The following CKM variants were observed in gnomAD, a reference collection of about 807,000 sequenced individuals.
CKM encodes the protein creatine kinase M-type.
In CKM, 28 loss-of-function variants were observed where a neutral mutation model predicts 35.4. That is an observed-to-expected ratio of 0.79 (90% CI 0.59 to 1.08). The LOEUF is 1.08. CKM is among the 50% of genes least tolerant of loss of function. The pLI, the probability that CKM is intolerant of heterozygous loss-of-function variation, is 0.00. For synonymous variants in CKM, 215 were observed against 204.4 expected, an observed-to-expected ratio of 1.05 and a Z score of -0.44; for missense variants, 484 against 509.8, an observed-to-expected ratio of 0.95 and a Z score of 0.49.
chr19:45,312,620 C>T (rs190317293), intron 4 of CKM, among the ~76,000 whole-genome samples: 4 of 151,706 alleles, frequency 2.6e-5, no homozygotes, highest in Non-Finnish European at 5.9e-5. Context: ...CGGGGTTTCT[C>T]CACTTGGGCG....
At chr19:45,308,064 G>C (rs1438556935) in intron 6 of CKM, among the ~76,000 whole-genome samples, 34 of 151,968 alleles carry the variant, frequency 2.2e-4, no homozygotes, top group Non-Finnish European at 1.5e-5. Context: ...GTATAGAGAC[G>C]GGGTTTCACC....
Position 45,308,459 on chromosome 19 carries a change from C to A in CKM, c.727G>T (p.Gly243Trp), listed in dbSNP as rs935566989. 1.2e-6 allele frequency: 2 copies of A among 1,614,170 alleles called. No homozygotes were observed. The highest frequency in any genetic ancestry group is 1.1e-5 in the South Asian group (1 of 91,082). ...DHLRVISMEK[G>W]GNMKEVFRRF... ...CGGAAAACCTCCTTCATGTTGCCCCCCTTCTCCATGGAGATGACCCGGAGG... is the reference window on the plus strand; with the variant it reads ...CGGAAAACCTCCTTCATGTTGCCCCACTTCTCCATGGAGATGACCCGGAGG... Residue 243 changes from glycine (G) to tryptophan (W), a missense_variant, in exon 6 of 8, where the codon GGG becomes TGG. Gly to Trp is a radical substitution (Grantham distance 184, BLOSUM62 -2). Transcript: ENST00000221476.
intron 3 of CKM, 43 bp downstream of exon 3, chr19:45,317,782 T>A: frequency 6.2e-7 from 1 of 1,609,274 alleles, no homozygotes; most frequent in Admixed American, 1.7e-5. Flanking sequence ...GTGATCTCTC[T>A]CCTCCTCACC....
intron 6 of CKM, among the ~76,000 whole-genome samples, chr19:45,307,989 G>A (rs1971070753): frequency 6.7e-6 from 1 of 149,378 alleles, no homozygotes; most frequent in East Asian, 2.0e-4. Flanking sequence ...TCAGCCTCCC[G>A]AGTAGCTGGG....
At chr19:45,318,164 T>C (rs952127006) in intron 2 of CKM, among the ~76,000 whole-genome samples, 185 bp from the exon 3 acceptor site, 9 of 152,062 alleles carry the variant, frequency 5.9e-5, no homozygotes, top group Non-Finnish European at 1.2e-4. Flanking sequence ...TCCCAGCACT[T>C]TGGGAGGGTG....
At chr19:45,312,128 G>C (rs936006088) in intron 4 of CKM, among the ~76,000 whole-genome samples, 3 of 152,202 alleles carry the variant, frequency 2.0e-5, no homozygotes, top group Non-Finnish European at 4.4e-5. Flanking sequence ...CCCAGGAATG[G>C]CCACCCCATG....
intron 4 of CKM, 39 bp downstream of exon 4, chr19:45,315,426 C>G (rs1457223555): frequency 3.8e-6 from 6 of 1,592,774 alleles, no homozygotes; most frequent in Non-Finnish European, 5.1e-6. Context: ...AGAGCCAGGG[C>G]TGGGTGACCC....
chr19:45,322,462 CG>C (rs1971222337), intron 1 of CKM, among the ~76,000 whole-genome samples: 1 of 152,006 alleles, frequency 6.6e-6, no homozygotes, highest in Non-Finnish European at 1.5e-5. Context: ...ACACCTCCCA[CG>C]GCTTGTGGCG....
chr19:45,310,531 GA>G (rs1261969885), intron 5 of CKM, among the ~76,000 whole-genome samples: 2 of 152,108 alleles, frequency 1.3e-5, no homozygotes, highest in Non-Finnish European at 2.9e-5. Flanking sequence ...CTGGGGTAGA[GA>G]AAAATAAAAT....
At position 45,315,577 on chromosome 19, in the gene CKM, A is replaced by G. The variant is rs1133190; in HGVS notation, c.369T>C (p.Pro123=). 0.59 allele frequency: 947,190 copies of G among 1,603,764 alleles called. 289,433 individuals carry two copies. The highest frequency in any genetic ancestry group is 0.63 in the Non-Finnish European group (744,590 of 1,179,796). ...ENLKGGDDLD[P]NYVLSSRVRT... is the part of the protein sequence containing the mutation. ...GGACGCGGCTGCTGAGCACGTAGTT[A>G]GGGTCCAGGTCGTCTCCACCCTGGA... The change falls in exon 4 of 8, where the codon CCT becomes CCC. Residue 123 remains proline (P), a synonymous_variant. Coordinates refer to ENST00000221476, the MANE Select transcript of CKM (RefSeq NM_001824.5).
chr19:45,315,976 T>C (rs929801779), intron 3 of CKM, among the ~76,000 whole-genome samples: 1 of 151,434 alleles, frequency 6.6e-6, no homozygotes, highest in African/African-American at 2.4e-5. Flanking sequence ...CCCAAGTAGC[T>C]GGGACTAACA....
At position 45,317,879 on chromosome 19, in the gene CKM, C is replaced by T; in HGVS notation, c.294G>A (p.Gly98=). ...TGTGCTTGTCAGTGGGTTTGTAGCC[C>T]CCGTGGCGATCCGAGATGATGGGGT... ...LFDPIISDRH[G]GYKPTDKHKT... The change falls in exon 3 of 8, where the codon GGG becomes GGA. Residue 98 remains glycine (G), a synonymous_variant. Transcript: ENST00000221476. The T allele has an allele frequency of 6.2e-7, 1 of 1,613,936 alleles. No homozygotes were observed. The highest frequency in any genetic ancestry group is 1.6e-4 in the Middle Eastern group (1 of 6,062).
chr19:45,307,160 G>A (rs893173489), intron 7 of CKM, among the ~76,000 whole-genome samples: 2 of 152,188 alleles, frequency 1.3e-5, no homozygotes, highest in African/African-American at 4.8e-5. Flanking sequence ...AGTGGGTTCT[G>A]GAGCCAGGCG....
chr19:45,310,454 T>C (rs1323084083), intron 5 of CKM, among the ~76,000 whole-genome samples: 1 of 152,138 alleles, frequency 6.6e-6, no homozygotes, highest in Non-Finnish European at 1.5e-5. Context: ...ATAAATTAAC[T>C]CATTTAATCC....
chr19:45,318,079 G>T, intron 2 of CKM, 100 bp from the exon 3 acceptor site: 2 of 979,784 alleles, frequency 2.0e-6, no homozygotes, highest in South Asian at 1.4e-5. Flanking sequence ...TGTCGGGATG[G>T]GGGCGGGTAC....
At chr19:45,314,294 C>G (rs1971137371) in intron 4 of CKM, among the ~76,000 whole-genome samples, 1 of 152,138 alleles carries the variant, frequency 6.6e-6, no homozygotes. Context: ...AGAAAGGTTC[C>G]AACTTGCTGA....
chr19:45,317,787 C>G, intron 3 of CKM, 38 bp downstream of exon 3: 1 of 1,612,136 alleles, frequency 6.2e-7, no homozygotes, highest in Non-Finnish European at 8.5e-7. Context: ...CTCTCTCCTC[C>G]TCACCCCTCG....
At chr19:45,320,032 G>A (rs1363312480) in intron 1 of CKM, among the ~76,000 whole-genome samples, 19 of 151,272 alleles carry the variant, frequency 1.3e-4, no homozygotes, top group African/African-American at 2.7e-4. Flanking sequence ...CTTGTGATCC[G>A]CCCGCCTCGG....
chr19:45,317,783 C>T (rs1227490926), intron 3 of CKM, 42 bp downstream of exon 3: 2 of 1,610,078 alleles, frequency 1.2e-6, no homozygotes, highest in Admixed American at 1.7e-5. Context: ...TGATCTCTCT[C>T]CTCCTCACCC....
Sources: allele counts gnomAD v4.1 joint callset (sites outside exome capture counted in the v4.1 genomes callset), GRCh38; gene constraint gnomAD v4.1.1; transcripts MANE v1.5; gene names NCBI Gene and HGNC (gene_info 2026-07-23, HGNC 2026-07-21).